DPP6: variants seen among roughly 807,000 people sequenced by gnomAD.
DPP6 encodes dipeptidyl peptidase like 6.
Under a neutral mutation model 122.6 loss-of-function variants are expected in DPP6, and 69 were observed. The ratio of observed to expected loss-of-function variants is 0.56; its 90% CI spans 0.46 to 0.69. The LOEUF is 0.69. DPP6 is among the 30% of genes least tolerant of loss of function. DPP6 has a pLI of 0.00. For synonymous variants in DPP6, 418 were observed against 433.1 expected (o/e 0.97, Z 0.43); for missense variants, 928 against 1,116.9 (o/e 0.83, Z 2.41).
At chr7:154,751,810 G>T (rs1299643711) in intron 8 of DPP6, among the ~76,000 whole-genome samples, 1 of 152,086 alleles carries the variant, frequency 6.6e-6, no homozygotes, top group Non-Finnish European at 1.5e-5. Flanking sequence ...TGAGAGGGAA[G>T]AAGCAACGTG....
intron 5 of DPP6, among the ~76,000 whole-genome samples, chr7:154,621,696 G>T (rs6597446): frequency 0.27 from 40,761 of 152,004 alleles, 6,214 homozygotes; most frequent in East Asian, 0.49. Context: ...ATTCTAGGCC[G>T]TAATTTTTTC....
chr7:154,637,485 G>T (rs11243338), intron 5 of DPP6, among the ~76,000 whole-genome samples: 90,539 of 152,014 alleles, frequency 0.6, 27,493 homozygotes, highest in Middle Eastern at 0.68. Context: ...CTAGCTGACG[G>T]TGCCTGATGG....
chr7:153,876,135 C>G, the DPP6 span, among the ~76,000 whole-genome samples: 1 of 151,776 alleles, frequency 6.6e-6, no homozygotes, highest in South Asian at 2.1e-4. Flanking sequence ...AATAATATAG[C>G]TTCAAAATAT....
intron 16 of DPP6, among the ~76,000 whole-genome samples, chr7:154,813,700 G>A (rs887707535): frequency 1.3e-5 from 2 of 151,804 alleles, no homozygotes; most frequent in African/African-American, 4.8e-5. Flanking sequence ...TGGAAGTGAA[G>A]CCAGCTATAT....
chr7:153,949,671 A>G (rs1237301334), intron 1 of DPP6, among the ~76,000 whole-genome samples: 1 of 152,212 alleles, frequency 6.6e-6, no homozygotes, highest in Non-Finnish European at 1.5e-5. Flanking sequence ...GTAACACCCC[A>G]AACTGCATAT....
intron 1 of DPP6, among the ~76,000 whole-genome samples, chr7:154,053,564 C>T (rs529254487): frequency 2.0e-5 from 3 of 151,812 alleles, no homozygotes; most frequent in African/African-American, 7.2e-5. Flanking sequence ...AAATGCCTCT[C>T]CTTCGTTCCT....
chr7:153,797,578 C>T, the DPP6 span, among the ~76,000 whole-genome samples: 1 of 152,146 alleles, frequency 6.6e-6, no homozygotes, highest in Non-Finnish European at 1.5e-5. Flanking sequence ...TCAATATTGG[C>T]TTCATCCTCA....
At chr7:154,831,030 G>A (rs187000306) in intron 16 of DPP6, among the ~76,000 whole-genome samples, 2 of 152,246 alleles carry the variant, frequency 1.3e-5, no homozygotes, top group East Asian at 1.9e-4. Flanking sequence ...CACCGTCCAC[G>A]CCCAGGTGAC....
rs539265987 is a variant in DPP6 at position 154,517,792 on chromosome 7, G to GA, written c.458-22734dup. On this transcript the variant is annotated intron_variant, in intron 3 of 25. Transcript: ENST00000377770. ...GAAAGCAAAAGCAAAACAAAAACGA[G>GA]AAAAAATGAAACCAACAGAACTTGG... is the stretch of plus-strand genomic sequence containing the variant. Among the ~76,000 whole-genome samples, 25 of 152,170 alleles carry GA rather than the reference G, an allele frequency of 1.6e-4. No homozygotes were observed. In the South Asian group the frequency reaches 3.9e-3, roughly 24 times the overall value.
intron 4 of DPP6, among the ~76,000 whole-genome samples, chr7:154,541,322 A>G (rs959007228): frequency 2.0e-5 from 3 of 152,090 alleles, no homozygotes; most frequent in African/African-American, 7.2e-5. Context: ...GTTTGTAGAG[A>G]TAGGGTCTCA....
At chr7:153,749,236 C>T in the DPP6 span, among the ~76,000 whole-genome samples, 5 of 152,172 alleles carry the variant, frequency 3.3e-5, no homozygotes, top group African/African-American at 9.6e-5. This position sits in a 1 kb window ranked among gnomAD's most constrained non-coding sequence, Gnocchi z 4.1. Context: ...AGGGCTCTGC[C>T]CGTGCATCCG....
intron 4 of DPP6, among the ~76,000 whole-genome samples, chr7:154,541,450 G>A (rs1828722244): frequency 6.6e-6 from 1 of 152,132 alleles, no homozygotes; most frequent in Admixed American, 6.5e-5. Context: ...GATTTAAATG[G>A]CATTAAGATT....
At position 154,801,555 on chromosome 7, in the gene DPP6, C is replaced by T. The variant is rs980775158; in HGVS notation, c.1407+93C>T. ...CTAGGGCTGGGCACACTTGCGTTTT[C>T]GAGGACCCCAAGGAATCTGAAGGTG... On this transcript the variant is annotated intron_variant, in intron 13 of 25. Coordinates refer to ENST00000377770, the MANE Select transcript of DPP6 (RefSeq NM_130797.4). The T allele has an allele frequency of 1.9e-5, 27 of 1,444,292 alleles. No homozygotes were observed. The South Asian group carries it at 1.9e-4, about 10-fold the overall frequency. 89.5% of individuals were successfully genotyped at this position (1,444,292 alleles called of 1,614,324 possible).
At chr7:154,450,570 G>A (rs1212685766) in intron 2 of DPP6, among the ~76,000 whole-genome samples, 1 of 152,170 alleles carries the variant, frequency 6.6e-6, no homozygotes, top group Non-Finnish European at 1.5e-5. Flanking sequence ...AGCAGTTCCG[G>A]GAGAGAGAGC....
chr7:154,884,869 A>C (rs1196542729), intron 21 of DPP6: 2 of 152,316 alleles, frequency 1.3e-5, no homozygotes, highest in Non-Finnish European at 2.9e-5. Context: ...ACCCATGCAC[A>C]TGTTCACACG....
chr7:154,618,499 G>A lies in DPP6; in HGVS notation c.628-19322G>A, dbSNP rs1187714341. On this transcript the variant is annotated intron_variant, in intron 5 of 25. Transcript: ENST00000377770. This position sits in a 1 kb window ranked among gnomAD's most constrained non-coding sequence, Gnocchi z 4.1. ...TTAGAAGATCAAAATCAGGGTGCAG[G>A]TAGGAGCCTTAGACAATTTCTAGTT... is the stretch of plus-strand genomic sequence containing the variant. 6.6e-6 allele frequency among the ~76,000 whole-genome samples: 1 copy of A among 152,150 alleles called. No homozygotes were observed. The highest frequency in any genetic ancestry group is 1.5e-5 in the Non-Finnish European group (1 of 68,032).
At chr7:154,020,823 A>G (rs1798662219) in intron 1 of DPP6, among the ~76,000 whole-genome samples, 2 of 152,112 alleles carry the variant, frequency 1.3e-5, no homozygotes, top group Admixed American at 6.6e-5. Flanking sequence ...CAAGAGAAAC[A>G]TGAGGCATTT....
intron 15 of DPP6, among the ~76,000 whole-genome samples, chr7:154,806,087 A>G (rs1344415401): frequency 1.3e-5 from 2 of 152,374 alleles, no homozygotes; most frequent in Middle Eastern, 3.4e-3. Context: ...CAGTCCGTGT[A>G]GATGTTCCAT....
At chr7:154,360,612 T>A (rs1458150913) in intron 1 of DPP6, among the ~76,000 whole-genome samples, 1 of 152,238 alleles carries the variant, frequency 6.6e-6, no homozygotes, top group African/African-American at 2.4e-5. Flanking sequence ...CTCAGCTCTA[T>A]ACAAAGAATC....
Sources: gnomAD v4.1 joint callset for allele counts (sites outside exome capture counted in the v4.1 genomes callset) on GRCh38, gnomAD v4.1.1 for gene constraint, Gnocchi (gnomAD v3.1) non-coding constraint, MANE v1.5 for transcripts, NCBI Gene and HGNC (gene_info 2026-07-23, HGNC 2026-07-21) for gene names.